Variants in CCDC102B observed in about 807,000 individuals in gnomAD.
The protein encoded by CCDC102B is coiled-coil domain containing 102B.
A neutral mutation model predicts 57.4 loss-of-function variants in CCDC102B; 75 were observed. The ratio of observed to expected loss-of-function variants is 1.31; its 90% confidence interval spans 1.08 to 1.58. CCDC102B has a LOEUF of 1.58. Ranked by LOEUF, CCDC102B falls within the 40% of genes most tolerant of loss-of-function variation. The pLI is 0.00. For synonymous variants in CCDC102B, 206 were observed against 201.9 expected, an observed-to-expected ratio of 1.02 and a Z score of -0.17; for missense variants, 636 against 582.6, an observed-to-expected ratio of 1.09 and a Z score of -0.94.
At chr18:68,757,622 T>A (rs2034096505) in intron 2 of CCDC102B, among the ~76,000 whole-genome samples, 2 of 152,226 alleles carry the variant, frequency 1.3e-5, no homozygotes, top group Non-Finnish European at 2.9e-5. Flanking sequence ...ATTTCCCTTT[T>A]TTCTATTTTA....
chr18:68,924,815 T>C (rs1395748383), intron 6 of CCDC102B, among the ~76,000 whole-genome samples: 1 of 152,122 alleles, frequency 6.6e-6, no homozygotes, highest in Non-Finnish European at 1.5e-5. Context: ...CTTGATCCCT[T>C]TGAGATTAGC....
chr18:68,782,900 A>G (rs183209897), intron 2 of CCDC102B, among the ~76,000 whole-genome samples: 1 of 152,286 alleles, frequency 6.6e-6, no homozygotes, highest in Admixed American at 6.5e-5. Flanking sequence ...ATTTAACCGT[A>G]TGTGAGGCCA....
intron 7 of CCDC102B, among the ~76,000 whole-genome samples, chr18:69,040,918 G>A (rs541289823): frequency 6.6e-6 from 1 of 152,018 alleles, no homozygotes; most frequent in East Asian, 1.9e-4. Context: ...GCATATGAGA[G>A]CCCACAGGTA....
At chr18:68,961,958 T>A (rs2050057470) in intron 6 of CCDC102B, among the ~76,000 whole-genome samples, 1 of 152,086 alleles carries the variant, frequency 6.6e-6, no homozygotes, top group African/African-American at 2.4e-5. Context: ...AACATTTTAC[T>A]GCAGATATTA....
At chr18:68,878,288 G>A (rs367716670) in intron 5 of CCDC102B, among the ~76,000 whole-genome samples, 6 of 151,880 alleles carry the variant, frequency 4.0e-5, no homozygotes, top group African/African-American at 7.3e-5. Flanking sequence ...TGTAGAGACC[G>A]GGGTCTCACC....
chr18:68,805,258 A>C (rs2035992664), intron 1 of CCDC102B, among the ~76,000 whole-genome samples: 1 of 152,180 alleles, frequency 6.6e-6, no homozygotes, highest in Non-Finnish European at 1.5e-5. Flanking sequence ...ATTCAGTAGA[A>C]TGTTTGTGAT....
At chr18:68,922,855 C>T (rs1306671217) in intron 6 of CCDC102B, among the ~76,000 whole-genome samples, 4 of 152,094 alleles carry the variant, frequency 2.6e-5, no homozygotes, top group Non-Finnish European at 4.4e-5. Context: ...GCTGCTCATA[C>T]TTGCTATGTG....
intron 6 of CCDC102B, among the ~76,000 whole-genome samples, chr18:69,000,860 A>G (rs72950481): frequency 0.033 from 4,956 of 152,240 alleles, 116 homozygotes; most frequent in East Asian, 0.12. Flanking sequence ...ATATAAATAG[A>G]ATTGCTATAC....
chr18:68,862,454 A>C (rs983566711), intron 4 of CCDC102B, among the ~76,000 whole-genome samples: 1 of 152,178 alleles, frequency 6.6e-6, no homozygotes, highest in Non-Finnish European at 1.5e-5. Flanking sequence ...TAATAGACAC[A>C]ATAGGGATGT....
intron 6 of CCDC102B, among the ~76,000 whole-genome samples, chr18:68,958,342 G>A (rs747927425): frequency 1.6e-4 from 24 of 152,150 alleles, no homozygotes; most frequent in Non-Finnish European, 3.1e-4. Context: ...CATATAATTT[G>A]TCTTTCATTC....
At chr18:68,968,618 A>C (rs2050220890) in intron 6 of CCDC102B, among the ~76,000 whole-genome samples, 1 of 152,178 alleles carries the variant, frequency 6.6e-6, no homozygotes, top group African/African-American at 2.4e-5. Flanking sequence ...TATTAACAAG[A>C]GGCATTATCT....
chr18:69,006,313 G>C (rs560177814), intron 6 of CCDC102B, among the ~76,000 whole-genome samples: 1 of 152,162 alleles, frequency 6.6e-6, no homozygotes, highest in Non-Finnish European at 1.5e-5. Context: ...AACAAAATGA[G>C]TGTGTGGGGA....
intron 4 of CCDC102B, 41 bp downstream of exon 4, chr18:68,846,462 CT>C: frequency 7.8e-7 from 1 of 1,279,732 alleles, no homozygotes; most frequent in Non-Finnish European, 1.1e-6. Context: ...TGAAGCCTAG[CT>C]TTTTCTTTCT....
intron 4 of CCDC102B, among the ~76,000 whole-genome samples, chr18:68,863,855 T>C (rs1484745159): frequency 1.3e-5 from 2 of 151,956 alleles, no homozygotes; most frequent in Non-Finnish European, 2.9e-5. Flanking sequence ...ATATTGTCTA[T>C]TGTGTACAAT....
intron 6 of CCDC102B, among the ~76,000 whole-genome samples, chr18:68,930,443 TCAGTGAC>T (rs1296147502): frequency 6.6e-6 from 1 of 151,732 alleles, no homozygotes; most frequent in Non-Finnish European, 1.5e-5. Context: ...ACAAGGAAAA[TCAGTGAC>T]CAGCACCTCA....
At chr18:68,982,867 T>G (rs2050627744) in intron 6 of CCDC102B, among the ~76,000 whole-genome samples, 1 of 151,916 alleles carries the variant, frequency 6.6e-6, no homozygotes, top group South Asian at 2.1e-4. Context: ...ATAGTAATAT[T>G]TTAATAACAT....
chr18:68,963,059 A>C (rs1265748635), intron 6 of CCDC102B, among the ~76,000 whole-genome samples: 4 of 152,002 alleles, frequency 2.6e-5, no homozygotes, highest in Non-Finnish European at 5.9e-5. Context: ...GAAAGAAAAC[A>C]TTCCTTAGTA....
chr18:68,862,831 A>G (rs1448856477), intron 4 of CCDC102B, among the ~76,000 whole-genome samples: 1 of 152,044 alleles, frequency 6.6e-6, no homozygotes, highest in African/African-American at 2.4e-5. Flanking sequence ...ACAAAAATAG[A>G]AAGAATACTA....
intron 4 of CCDC102B, among the ~76,000 whole-genome samples, chr18:68,860,485 AAAAG>A: frequency 7.5e-6 from 1 of 133,464 alleles, no homozygotes; most frequent in Non-Finnish European, 1.6e-5. Flanking sequence ...CAAAAAAAAA[AAAAG>A]ACACTACAGG....
Sources: gnomAD v4.1 joint callset for allele counts (sites outside exome capture counted in the v4.1 genomes callset) on GRCh38, gnomAD v4.1.1 for gene constraint, MANE v1.5 for transcripts, NCBI Gene and HGNC (gene_info 2026-07-23, HGNC 2026-07-21) for gene names.